Variants in SPO11 observed in about 807,000 individuals in gnomAD.
The protein encoded by SPO11 is SPO11 initiator of meiotic double strand breaks.
SPO11 carries 49 observed loss-of-function variants against 51.6 expected under a neutral mutation model. That is an observed-to-expected ratio of 0.95 (90% CI 0.75 to 1.20). The LOEUF is 1.20. Ranked by LOEUF, SPO11 falls within the 50% of genes most tolerant of loss-of-function variation. SPO11 has a pLI of 0.00. For missense variants in SPO11, 431 were observed against 473.4 expected (o/e 0.91, Z 0.83); for synonymous variants, 176 against 158.2 (o/e 1.11, Z -0.84).
chr20:57,340,909 G>T (rs1405082987), intron 11 of SPO11, among the ~76,000 whole-genome samples: 1 of 151,970 alleles, frequency 6.6e-6, no homozygotes, highest in Non-Finnish European at 1.5e-5. Context: ...TTAAAATTTG[G>T]GAACTTCAAG....
At chr20:57,333,881 T>C (rs1214912840) in intron 4 of SPO11, 106 bp from the exon 5 acceptor site, 2 of 898,034 alleles carry the variant, frequency 2.2e-6, no homozygotes, top group Non-Finnish European at 1.7e-6. Flanking sequence ...TTTCTTTATA[T>C]GTTGTGTTTT....
At chr20:57,340,257 A>G in intron 11 of SPO11, 79 bp downstream of exon 11, 2 of 880,508 alleles carry the variant, frequency 2.3e-6, no homozygotes, top group Non-Finnish European at 3.7e-6. Context: ...AAAAGTCACT[A>G]CAAGGGAAAG....
intron 1 of SPO11, among the ~76,000 whole-genome samples, chr20:57,330,725 C>T (rs1399515237): frequency 2.0e-5 from 3 of 152,204 alleles, no homozygotes; most frequent in Non-Finnish European, 4.4e-5. Context: ...TAAGCCCAAA[C>T]CAACCACCAA....
intron 11 of SPO11, among the ~76,000 whole-genome samples, chr20:57,341,837 A>T (rs910838741): frequency 1.3e-5 from 2 of 152,230 alleles, no homozygotes; most frequent in African/African-American, 4.8e-5. Context: ...TGCATCTCAT[A>T]AATTCTATCA....
chr20:57,338,777 T>C (rs1019549038), intron 9 of SPO11, among the ~76,000 whole-genome samples: 1 of 152,152 alleles, frequency 6.6e-6, no homozygotes, highest in African/African-American at 2.4e-5. Flanking sequence ...GGGACACTTA[T>C]GAAACATTTT....
At chr20:57,341,094 A>G (rs2066576307) in intron 11 of SPO11, among the ~76,000 whole-genome samples, 1 of 152,216 alleles carries the variant, frequency 6.6e-6, no homozygotes, top group South Asian at 2.1e-4. Flanking sequence ...TTTTTAAAAC[A>G]CAACAAAATA....
rs369163483 is a variant in SPO11 at position 57,332,613 on chromosome 20, T to C, written c.246-575T>C. Reference sequence around the variant, plus strand: ...TATAAGTAATATAAGCTGTATACTTTTCAGTCATGTTTTGAAAGATGGATT... The same window carrying C: ...TATAAGTAATATAAGCTGTATACTTCTCAGTCATGTTTTGAAAGATGGATT... On this transcript the variant is annotated intron_variant, in intron 2 of 12. Coordinates refer to ENST00000371263, the MANE Select transcript of SPO11 (RefSeq NM_012444.3). Among the ~76,000 whole-genome samples the C allele has an allele frequency of 3.9e-5, 6 of 152,328 alleles. No individual in the cohort carries two copies. In the East Asian group the frequency reaches 9.6e-4, roughly 24 times the overall value.
chr20:57,334,925 A>G, intron 6 of SPO11, 89 bp downstream of exon 6: 1 of 1,080,400 alleles, frequency 9.3e-7, no homozygotes, highest in Non-Finnish European at 1.3e-6. Context: ...TTTATTATGT[A>G]ACCTAGAGCT....
At position 57,340,003 on chromosome 20, in the gene SPO11, ACTTGTC is replaced by A. The variant is rs1425304986; in HGVS notation, c.883-95_883-90del. The A allele has an allele frequency of 3.9e-6, 3 of 774,374 alleles. No individual in the cohort carries two copies. The East Asian group carries it at 7.9e-5, about 20-fold the overall frequency. The allele number at this position is 774,374 out of a possible 1,614,324, so 48.0% of individuals were successfully genotyped here. ...CTGGGCATGTGAAGCCAGCTTTAGT[ACTTGTC>A]CTTCTTAATAAGTGAAAAATTTGAC... On this transcript the variant is annotated intron_variant, in intron 10 of 12. Transcript: ENST00000371263.
At position 57,331,818 on chromosome 20, in the gene SPO11, T is replaced by C; in HGVS notation, c.132-15T>C. ...TTATGATTAAGATGGAATCATGCTC[T>C]GTTTATTGTTTCAGTTCTGAGGTTC... On this transcript the variant is annotated splice_polypyrimidine_tract_variant and intron_variant, in intron 1 of 12. Transcript: ENST00000371263. 1 of 1,413,680 alleles carries C rather than the reference T, an allele frequency of 7.1e-7. No homozygotes were observed. The highest frequency in any genetic ancestry group is 9.6e-7 in the Non-Finnish European group (1 of 1,037,060). 87.6% of individuals were successfully genotyped at this position (1,413,680 alleles called of 1,614,324 possible).
At chr20:57,331,026 T>G (rs911712696) in intron 1 of SPO11, among the ~76,000 whole-genome samples, 3 of 152,236 alleles carry the variant, frequency 2.0e-5, no homozygotes, top group Non-Finnish European at 4.4e-5. Flanking sequence ...ATTCTGAAGT[T>G]CCTGTGGAAA....
chr20:57,340,028 A>G (rs2066561635), intron 10 of SPO11, 74 bp from the exon 11 acceptor site: 1 of 1,030,376 alleles, frequency 9.7e-7, no homozygotes, highest in Non-Finnish European at 1.5e-6. Context: ...TAAGTGAAAA[A>G]TTTGACTGAA....
At position 57,333,755 on chromosome 20, in the gene SPO11, TA is replaced by T. The variant is rs1380001721; in HGVS notation, c.401+5del. 1.4e-6 allele frequency: 2 copies of T among 1,418,698 alleles called. No individual in the cohort carries two copies. The highest frequency in any genetic ancestry group is 2.0e-6 in the Non-Finnish European group (2 of 1,010,286). The allele number at this position is 1,418,698 out of a possible 1,614,324, so 87.9% of individuals were successfully genotyped here. On this transcript the variant is annotated splice_donor_region_variant and intron_variant, in intron 4 of 12. Transcript: ENST00000371263. ...GAGCAACACTTATGCAACCAAAAGG[TA>T]AATATATTGTTCTAGTAAATTACTC...
intron 2 of SPO11, among the ~76,000 whole-genome samples, chr20:57,332,414 C>G (rs1277493300): frequency 2.0e-5 from 3 of 152,216 alleles, no homozygotes; most frequent in African/African-American, 7.2e-5. Flanking sequence ...CCTGACAGAT[C>G]TTCTGCCCCT....
At chr20:57,343,307 C>T (rs370355278) in intron 12 of SPO11, 34 bp from the exon 13 acceptor site, 21 of 1,595,288 alleles carry the variant, frequency 1.3e-5, no homozygotes, top group Non-Finnish European at 1.7e-5. Context: ...CAACTAAGAA[C>T]TCTGGTATGA....
At chr20:57,334,947 A>C in intron 6 of SPO11, 111 bp downstream of exon 6, 1 of 829,160 alleles carries the variant, frequency 1.2e-6, no homozygotes, top group Non-Finnish European at 1.9e-6. Context: ...AAGATTTCAA[A>C]ATAAAACTGA....
chr20:57,333,185 C>T lies in SPO11; in HGVS notation c.246-3C>T, dbSNP rs756179301. 3.1e-6 allele frequency: 5 copies of T among 1,590,414 alleles called. No homozygotes were observed. Among genetic ancestry groups the T allele is most frequent in the East Asian group, 4.5e-5 (2 of 44,350 alleles). ...TTTTCCTTTGCTTTAAACAAAATGACAGGTTTGAAGATTCTGTGGGTCTTC... is the reference window on the plus strand; with the variant it reads ...TTTTCCTTTGCTTTAAACAAAATGATAGGTTTGAAGATTCTGTGGGTCTTC... On this transcript the variant is annotated splice_polypyrimidine_tract_variant and splice_region_variant and intron_variant, in intron 2 of 12. Coordinates refer to ENST00000371263, the MANE Select transcript of SPO11 (RefSeq NM_012444.3).
At chr20:57,332,527 G>C (rs1469600367) in intron 2 of SPO11, among the ~76,000 whole-genome samples, 2 of 152,104 alleles carry the variant, frequency 1.3e-5, no homozygotes, top group Non-Finnish European at 2.9e-5. Flanking sequence ...TTTTTTAAGA[G>C]ATACAGAAAC....
At chr20:57,336,928 G>C (rs1054650247) in intron 8 of SPO11, among the ~76,000 whole-genome samples, 2 of 152,138 alleles carry the variant, frequency 1.3e-5, no homozygotes, top group Non-Finnish European at 2.9e-5. Context: ...TGGGGTACTG[G>C]AATGCAGGAA....
Sources: allele counts gnomAD v4.1 joint callset (sites outside exome capture counted in the v4.1 genomes callset), GRCh38; gene constraint gnomAD v4.1.1; transcripts MANE v1.5; gene names NCBI Gene and HGNC (gene_info 2026-07-23, HGNC 2026-07-21).